Variants in IL1RAPL2 observed in about 807,000 individuals in gnomAD.
The protein encoded by IL1RAPL2 is interleukin 1 receptor accessory protein like 2.
A neutral mutation model predicts 44.1 loss-of-function variants in IL1RAPL2; 3 were observed. The ratio of observed to expected loss-of-function variants is 0.07; its 90% CI spans 0.03 to 0.18. The LOEUF (loss-of-function observed/expected upper bound fraction) is 0.18, where lower values mean the gene tolerates loss of function less well. Among genes scored for constraint, IL1RAPL2 ranks in the 10% least tolerant of loss-of-function variants. IL1RAPL2 has a pLI of 1.00. For synonymous variants in IL1RAPL2, 181 were observed against 178.8 expected, an observed-to-expected ratio of 1.01 and a Z score of -0.10; for missense variants, 391 against 496.4, an observed-to-expected ratio of 0.79 and a Z score of 2.02.
intron 2 of IL1RAPL2, among the ~76,000 whole-genome samples, chrX:105,099,631 T>A (rs757456263): frequency 1.1e-3 from 109 of 98,369 alleles, no homozygotes; most frequent in African/African-American, 4.6e-3. Flanking sequence ...CGCCTGGCTA[T>A]TTTTTTTTGT....
intron 2 of IL1RAPL2, among the ~76,000 whole-genome samples, chrX:104,677,699 G>C (rs775262455): frequency 1.8e-5 from 2 of 112,098 alleles, no homozygotes; most frequent in South Asian, 3.8e-4. Context: ...CCCCAGCCTC[G>C]CTGCCGCCTT....
intron 7 of IL1RAPL2, among the ~76,000 whole-genome samples, chrX:105,727,837 C>G (rs1214937427): frequency 9.0e-6 from 1 of 111,338 alleles, no homozygotes; most frequent in Non-Finnish European, 1.9e-5. Flanking sequence ...TTGAATTGTA[C>G]TAAAATGTGT....
intron 2 of IL1RAPL2, among the ~76,000 whole-genome samples, chrX:104,903,707 A>T (rs770616130): frequency 2.2e-4 from 24 of 110,354 alleles, no homozygotes; most frequent in African/African-American, 7.6e-4. Flanking sequence ...CCTCCCGAGT[A>T]GCTGGGACTA....
At chrX:105,455,609 T>G (rs2036049807) in intron 5 of IL1RAPL2, among the ~76,000 whole-genome samples, 1 of 111,750 alleles carries the variant, frequency 8.9e-6, no homozygotes, top group Admixed American at 9.6e-5. Context: ...TTTGTCAGGT[T>G]TGTCAAAGAT....
chrX:104,644,324 T>G (rs1929992561), intron 1 of IL1RAPL2, among the ~76,000 whole-genome samples: 1 of 111,616 alleles, frequency 9.0e-6, no homozygotes, highest in African/African-American at 3.2e-5. Flanking sequence ...ACTTAACTAT[T>G]GAGAAGATAT....
At chrX:104,904,378 T>G (rs1923915663) in intron 2 of IL1RAPL2, among the ~76,000 whole-genome samples, 2 of 107,749 alleles carry the variant, frequency 1.9e-5, no homozygotes, top group South Asian at 4.3e-4. Flanking sequence ...TGTATACATG[T>G]GCCATGCTGG....
intron 2 of IL1RAPL2, among the ~76,000 whole-genome samples, chrX:104,847,635 C>CA (rs1489123290): frequency 2.7e-5 from 3 of 111,789 alleles, no homozygotes; most frequent in Non-Finnish European, 5.6e-5. Context: ...TTGACGCCTC[C>CA]AGCTTTATTC....
intron 2 of IL1RAPL2, among the ~76,000 whole-genome samples, chrX:104,758,811 C>T (rs1012498270): frequency 2.7e-5 from 3 of 111,706 alleles, no homozygotes; most frequent in Non-Finnish European, 5.7e-5. Context: ...TTTACTTTTT[C>T]CTTTTCTTCC....
chrX:104,609,263 T>G (rs1385718315), intron 1 of IL1RAPL2, among the ~76,000 whole-genome samples: 1 of 111,955 alleles, frequency 8.9e-6, no homozygotes, highest in Non-Finnish European at 1.9e-5. Context: ...AACTCGACCT[T>G]TCTCTCTGGC....
At chrX:104,976,084 G>A (rs73635170) in intron 2 of IL1RAPL2, among the ~76,000 whole-genome samples, 22 of 110,898 alleles carry the variant, frequency 2.0e-4, no homozygotes, top group African/African-American at 4.3e-4. Flanking sequence ...GTAAAATGTC[G>A]TTATAATGTA....
rs188905693 is a variant in IL1RAPL2, at chrX:105,451,101, A to G, written c.698-33212A>G. On this transcript the variant is annotated intron_variant, in intron 5 of 10. Coordinates refer to ENST00000372582, the MANE Select transcript of IL1RAPL2 (RefSeq NM_017416.2). ...GTTCTCTCCCTTTTCTCCTAGGCTT[A>G]TCTCCTCCATGAAAAACTCTGATAT... Among the ~76,000 whole-genome samples the G allele has an allele frequency of 9.0e-5, 10 of 111,110 alleles. No homozygotes were observed. The Admixed American group carries it at 9.6e-4, about 11-fold the overall frequency.
At chrX:104,835,483 T>G (rs1002661041) in intron 2 of IL1RAPL2, among the ~76,000 whole-genome samples, 1 of 112,499 alleles carries the variant, frequency 8.9e-6, no homozygotes, top group African/African-American at 3.2e-5. Flanking sequence ...TACATTGGTC[T>G]TATTCATTAC....
chrX:105,444,846 T>C (rs2035944226), intron 5 of IL1RAPL2, among the ~76,000 whole-genome samples: 2 of 111,165 alleles, frequency 1.8e-5, no homozygotes, highest in Non-Finnish European at 3.8e-5. Flanking sequence ...TATATTGGCC[T>C]GCAGGTTTTT....
chrX:105,193,579 G>T (rs2033650450), intron 2 of IL1RAPL2, among the ~76,000 whole-genome samples: 1 of 111,876 alleles, frequency 8.9e-6, no homozygotes. Flanking sequence ...AATTTATAAT[G>T]ATCCAGAAAG....
chrX:105,337,867 GGA>G (rs1225089112), intron 5 of IL1RAPL2, among the ~76,000 whole-genome samples: 1 of 103,653 alleles, frequency 9.6e-6, no homozygotes, highest in East Asian at 2.9e-4. Context: ...CTCCAGACTG[GGA>G]GAGAGAGTGA....
At chrX:105,384,059 G>A (rs2035457835) in intron 5 of IL1RAPL2, among the ~76,000 whole-genome samples, 2 of 111,206 alleles carry the variant, frequency 1.8e-5, no homozygotes, top group Non-Finnish European at 3.8e-5. Flanking sequence ...TTTGTAGGTT[G>A]TCTCTTTACA....
chrX:104,848,425 A>G lies in IL1RAPL2; in HGVS notation c.82+189430A>G, dbSNP rs1418810349. On this transcript the variant is annotated intron_variant, in intron 2 of 10. Transcript: ENST00000372582. Reference sequence around the variant, plus strand: ...TTTTTATCTGTATATATATATATATATATATATATATATATATATATATAT... The same window carrying G: ...TTTTTATCTGTATATATATATATATGTATATATATATATATATATATATAT... 4.4e-5 allele frequency among the ~76,000 whole-genome samples: 4 copies of G among 90,123 alleles called. No individual in the cohort carries two copies. The East Asian group carries it at 1.0e-3, about 23-fold the overall frequency. The allele number at this position is 90,123 out of a possible 115,157, so 78.3% of individuals were successfully genotyped here.
chrX:105,064,162 A>G (rs753569687), intron 2 of IL1RAPL2, among the ~76,000 whole-genome samples: 1 of 112,503 alleles, frequency 8.9e-6, no homozygotes, highest in African/African-American at 3.2e-5. Flanking sequence ...AGGCAGGTCC[A>G]GAGATGCTAT....
chrX:104,601,525 C>T (rs764703797), intron 1 of IL1RAPL2, among the ~76,000 whole-genome samples: 1 of 111,986 alleles, frequency 8.9e-6, no homozygotes, highest in South Asian at 3.7e-4. Flanking sequence ...GATCCTGTCA[C>T]ACAGATCACC....
Sources: gnomAD v4.1 joint callset for allele counts (sites outside exome capture counted in the v4.1 genomes callset) on GRCh38, gnomAD v4.1.1 for gene constraint, MANE v1.5 for transcripts, NCBI Gene and HGNC (gene_info 2026-07-23, HGNC 2026-07-21) for gene names.